The following CSMD3 variants were observed in gnomAD, a reference collection of about 807,000 sequenced individuals.
CSMD3 encodes CUB and sushi domain-containing protein 3.
CSMD3 carries 177 observed loss-of-function variants against 435.2 expected under a neutral mutation model. That is an observed-to-expected ratio of 0.41 (90% confidence interval 0.36 to 0.46). CSMD3 has a LOEUF of 0.46. CSMD3 is among the 20% of genes least tolerant of loss of function. The probability of loss-of-function intolerance (pLI) is 0.34; values close to 1 mark genes in which losing one functional copy is unlikely to be tolerated. For missense variants in CSMD3, 4,265 were observed against 4,504.6 expected, an observed-to-expected ratio of 0.95 and a Z score of 1.52; for synonymous variants, 1,656 against 1,520.5, an observed-to-expected ratio of 1.09 and a Z score of -2.07.
chr8:112,851,901 A>G (rs1199525059), intron 11 of CSMD3, among the ~76,000 whole-genome samples: 1 of 152,186 alleles, frequency 6.6e-6, no homozygotes, highest in Admixed American at 6.5e-5. Context: ...AATCAGTTGT[A>G]AAATTTGAGA....
intron 58 of CSMD3, among the ~76,000 whole-genome samples, chr8:112,283,161 C>T (rs1386632495): frequency 1.3e-5 from 2 of 151,854 alleles, no homozygotes. Context: ...TCATCTAGTA[C>T]AAATTCCTAG....
At chr8:113,053,814 A>G (rs2088200802) in intron 5 of CSMD3, among the ~76,000 whole-genome samples, 1 of 152,156 alleles carries the variant, frequency 6.6e-6, no homozygotes, top group Non-Finnish European at 1.5e-5. Context: ...GCTTAAGCAT[A>G]CATGCAATGG....
intron 5 of CSMD3, among the ~76,000 whole-genome samples, chr8:113,052,489 T>C (rs971123): frequency 0.011 from 1,725 of 152,308 alleles, 100 homozygotes; most frequent in Admixed American, 0.088. Context: ...ATCAAGATAA[T>C]AGTCCAAGTG....
intron 13 of CSMD3, among the ~76,000 whole-genome samples, chr8:112,692,043 T>C (rs2076148316): frequency 6.6e-6 from 1 of 152,084 alleles, no homozygotes; most frequent in Non-Finnish European, 1.5e-5. Context: ...CCTCAAATCA[T>C]TCGCCCTCCT....
chr8:112,578,919 A>G lies in CSMD3; in HGVS notation c.3886-5262T>C, dbSNP rs149843439. Among the ~76,000 whole-genome samples, 539 of 152,152 alleles carry G rather than the reference A, an allele frequency of 3.5e-3. 2 individuals are homozygous for G. Among genetic ancestry groups the G allele is most frequent in the African/African-American group, 0.012 (518 of 41,548 alleles). The stretch of plus-strand genomic sequence containing the variant: ...AATCCCTGATTTTAGGGAGGTGTCG[A>G]GCAATGTACAAATAGTAATAAAATA... On this transcript the variant is annotated intron_variant, in intron 23 of 70. Transcript: ENST00000297405.
intron 2 of CSMD3, among the ~76,000 whole-genome samples, chr8:113,299,406 T>C (rs923203958): frequency 6.6e-6 from 1 of 152,146 alleles, no homozygotes; most frequent in Admixed American, 6.6e-5. Flanking sequence ...GCCTAAGTAG[T>C]CAATGGGGGT....
At chr8:113,024,460 G>T (rs1013539990) in intron 5 of CSMD3, among the ~76,000 whole-genome samples, 1 of 151,540 alleles carries the variant, frequency 6.6e-6, no homozygotes, top group Non-Finnish European at 1.5e-5. Flanking sequence ...CACCTCTTTT[G>T]GATATTTACC....
At chr8:112,508,009 T>A (rs868454226) in intron 28 of CSMD3, among the ~76,000 whole-genome samples, 27 of 152,134 alleles carry the variant, frequency 1.8e-4, no homozygotes, top group African/African-American at 5.6e-4. Context: ...TGTTCTGTAG[T>A]CCTCCATCTC....
At chr8:112,756,933 T>C (rs1263119813) in intron 13 of CSMD3, among the ~76,000 whole-genome samples, 3 of 151,992 alleles carry the variant, frequency 2.0e-5, no homozygotes, top group African/African-American at 7.2e-5. Flanking sequence ...CATGCCCAGC[T>C]AATTTTTGTA....
At chr8:113,072,949 A>G (rs2089188170) in intron 5 of CSMD3, among the ~76,000 whole-genome samples, 1 of 151,722 alleles carries the variant, frequency 6.6e-6, no homozygotes, top group Non-Finnish European at 1.5e-5. Flanking sequence ...CAACAATAAC[A>G]ATGATTCTTA....
chr8:113,135,648 A>G (rs2091399817), intron 4 of CSMD3, among the ~76,000 whole-genome samples: 2 of 151,814 alleles, frequency 1.3e-5, no homozygotes, highest in Admixed American at 6.6e-5. Flanking sequence ...CAATGCTTAG[A>G]CAAAAATAAA....
At chr8:112,286,526 C>CAGTCAACA (rs1819215984) in intron 58 of CSMD3, among the ~76,000 whole-genome samples, 1 of 152,112 alleles carries the variant, frequency 6.6e-6, no homozygotes, top group Non-Finnish European at 1.5e-5. Context: ...AGGGTGAGTA[C>CAGTCAACA]AGTCAACAAG....
At chr8:112,785,692 A>C (rs1023219153) in intron 13 of CSMD3, among the ~76,000 whole-genome samples, 1 of 152,092 alleles carries the variant, frequency 6.6e-6, no homozygotes, top group Non-Finnish European at 1.5e-5. Context: ...TGATAGCTAC[A>C]AATAAAATAA....
chr8:112,399,119 G>T (rs1051783964), intron 35 of CSMD3, among the ~76,000 whole-genome samples: 3 of 151,798 alleles, frequency 2.0e-5, no homozygotes, highest in Admixed American at 6.6e-5. Context: ...GTTTCACCAC[G>T]CTGGCCAGGG....
intron 6 of CSMD3, among the ~76,000 whole-genome samples, chr8:113,002,707 A>C (rs1212497601): frequency 6.6e-6 from 1 of 152,134 alleles, no homozygotes; most frequent in Non-Finnish European, 1.5e-5. Flanking sequence ...ACTTTATCAC[A>C]TGTTATACAA....
intron 25 of CSMD3, among the ~76,000 whole-genome samples, chr8:112,555,122 C>T (rs950361369): frequency 2.6e-5 from 4 of 152,010 alleles, no homozygotes; most frequent in African/African-American, 9.6e-5. Flanking sequence ...ATTACCCTAC[C>T]TGTGAAATCT....
At chr8:112,304,641 T>A in intron 52 of CSMD3, 80 bp downstream of exon 52, 1 of 1,011,288 alleles carries the variant, frequency 9.9e-7, no homozygotes, top group Non-Finnish European at 1.6e-6. Flanking sequence ...TGATCTAATG[T>A]GTTTATGAAA....
At chr8:112,411,318 C>T (rs559238405) in intron 32 of CSMD3, among the ~76,000 whole-genome samples, 3 of 151,728 alleles carry the variant, frequency 2.0e-5, no homozygotes, top group East Asian at 3.9e-4. Flanking sequence ...ATAATTTGTG[C>T]TTGTAATTTG....
At chr8:113,365,172 A>C (rs569689851) in intron 1 of CSMD3, among the ~76,000 whole-genome samples, 1 of 152,236 alleles carries the variant, frequency 6.6e-6, no homozygotes, top group East Asian at 1.9e-4. Flanking sequence ...GAGTGAAGGT[A>C]AGCAGAAGGA....
Sources: allele counts gnomAD v4.1 joint callset (sites outside exome capture counted in the v4.1 genomes callset), GRCh38; gene constraint gnomAD v4.1.1; transcripts MANE v1.5; gene names NCBI Gene and HGNC (gene_info 2026-07-23, HGNC 2026-07-21).